The following CRACDL variants were observed in gnomAD, a reference collection of about 807,000 sequenced individuals.
CRACDL encodes CRACD like, also known as CRACD-like protein.
A neutral mutation model predicts 70.6 loss-of-function variants in CRACDL; 26 were observed. The observed-to-expected ratio is 0.37, with a 90% CI of 0.27 to 0.51. The LOEUF (loss-of-function observed/expected upper bound fraction) is 0.51, where lower values mean the gene tolerates loss of function less well. CRACDL is among the 20% of genes least tolerant of loss of function. The pLI is 0.94. For missense variants in CRACDL, 1,283 were observed against 1,376.9 expected (o/e 0.93, Z 1.08); for synonymous variants, 618 against 615.2 (o/e 1.00, Z -0.07).
At chr2:98,935,502 T>C (rs983769264) in intron 1 of CRACDL, among the ~76,000 whole-genome samples, 1 of 152,118 alleles carries the variant, frequency 6.6e-6, no homozygotes, top group Non-Finnish European at 1.5e-5. Flanking sequence ...AAATAAACCA[T>C]CACCTAAAGC....
At chr2:98,809,477 T>C (rs936380179) in intron 7 of CRACDL, among the ~76,000 whole-genome samples, 10 of 152,150 alleles carry the variant, frequency 6.6e-5, no homozygotes, top group African/African-American at 2.4e-4. Flanking sequence ...GTCTCCCAAC[T>C]GCAGGGCACA....
Position 98,861,484 on chromosome 2 carries a change from T to C in CRACDL, c.-10-14674A>G, listed in dbSNP as rs543032405. On this transcript the variant is annotated intron_variant, in intron 1 of 9. Transcript: ENST00000397899. The stretch of plus-strand genomic sequence containing the variant: ...AGCCTTCATTCATTGCTGGTGGAAA[T>C]GTAAAATGTAGCAGGTACTTTGGAA... 2.6e-5 allele frequency among the ~76,000 whole-genome samples: 4 copies of C among 152,238 alleles called. No individual in the cohort carries two copies. In the East Asian group the frequency reaches 5.8e-4, roughly 22 times the overall value.
chr2:98,910,015 G>A (rs375459837), intron 1 of CRACDL, among the ~76,000 whole-genome samples: 24 of 152,210 alleles, frequency 1.6e-4, no homozygotes, highest in African/African-American at 4.8e-4. Context: ...AGTCAGTAAC[G>A]CCATCTCTCC....
intron 1 of CRACDL, among the ~76,000 whole-genome samples, chr2:98,891,376 C>CAAAAAAAAAA (rs548988640): frequency 0.014 from 526 of 37,890 alleles, 64 homozygotes; most frequent in Middle Eastern, 0.037. Context: ...GACTCCGTCT[C>CAAAAAAAAAA]AAAAAAAAAA....
At chr2:98,889,455 G>C (rs1440762114) in intron 1 of CRACDL, among the ~76,000 whole-genome samples, 2 of 152,042 alleles carry the variant, frequency 1.3e-5, no homozygotes, top group East Asian at 3.9e-4. Flanking sequence ...AATGACAAAA[G>C]TACCAATGAA....
intron 3 of CRACDL, among the ~76,000 whole-genome samples, chr2:98,836,009 G>A (rs1158950185): frequency 1.3e-5 from 2 of 152,138 alleles, no homozygotes; most frequent in African/African-American, 2.4e-5. Flanking sequence ...ATGATGTACC[G>A]GGAATTGGGA....
At chr2:98,824,376 C>A (rs1284978748) in intron 6 of CRACDL, among the ~76,000 whole-genome samples, 1 of 151,694 alleles carries the variant, frequency 6.6e-6, no homozygotes, top group Non-Finnish European at 1.5e-5. Flanking sequence ...AAGATTCCCC[C>A]CTTCTCTGGC....
intron 1 of CRACDL, among the ~76,000 whole-genome samples, chr2:98,857,933 A>G: frequency 6.6e-6 from 1 of 152,208 alleles, no homozygotes; most frequent in East Asian, 1.9e-4. Flanking sequence ...AAACAAAACA[A>G]AATATATTTA....
At chr2:98,930,936 T>C (rs887738476) in intron 1 of CRACDL, among the ~76,000 whole-genome samples, 1 of 151,456 alleles carries the variant, frequency 6.6e-6, no homozygotes, top group Non-Finnish European at 1.5e-5. Context: ...CATGTAATGC[T>C]CATGTATGTG....
At chr2:98,891,756 C>T (rs1707987087) in intron 1 of CRACDL, among the ~76,000 whole-genome samples, 1 of 152,002 alleles carries the variant, frequency 6.6e-6, no homozygotes, top group Non-Finnish European at 1.5e-5. Flanking sequence ...TTATTTCAAA[C>T]CTTTTCCACA....
chr2:98,890,162 A>G (rs1276574215), intron 1 of CRACDL, among the ~76,000 whole-genome samples: 1 of 152,150 alleles, frequency 6.6e-6, no homozygotes, highest in African/African-American at 2.4e-5. Flanking sequence ...AGATTAGAGA[A>G]GAAATTAATA....
chr2:98,855,123 T>C (rs1354657053), intron 1 of CRACDL, among the ~76,000 whole-genome samples: 3 of 152,030 alleles, frequency 2.0e-5, no homozygotes, highest in Admixed American at 6.5e-5. Context: ...CTACTAAAAA[T>C]ACAAAAATTA....
chr2:98,915,500 C>A (rs555681895), intron 1 of CRACDL, among the ~76,000 whole-genome samples: 1 of 152,250 alleles, frequency 6.6e-6, no homozygotes, highest in South Asian at 2.1e-4. Context: ...GAGGAGCTGC[C>A]TGGGTCTGTG....
chr2:98,877,729 A>G (rs1220389724), intron 1 of CRACDL, among the ~76,000 whole-genome samples: 1 of 152,104 alleles, frequency 6.6e-6, no homozygotes, highest in African/African-American at 2.4e-5. Flanking sequence ...AGCCTGGGAA[A>G]CACAGTGGGA....
intron 7 of CRACDL, among the ~76,000 whole-genome samples, chr2:98,800,811 G>A (rs1434018572): frequency 6.6e-6 from 1 of 152,210 alleles, no homozygotes; most frequent in Non-Finnish European, 1.5e-5. Context: ...TCTAAATGCT[G>A]AGCTTGGCAA....
intron 1 of CRACDL, among the ~76,000 whole-genome samples, chr2:98,923,808 G>A (rs1708856464): frequency 6.6e-6 from 1 of 152,170 alleles, no homozygotes. Flanking sequence ...TTCTCAAATT[G>A]TTCAATATTG....
At chr2:98,849,866 G>A (rs544476931) in intron 1 of CRACDL, among the ~76,000 whole-genome samples, 4 of 152,152 alleles carry the variant, frequency 2.6e-5, no homozygotes, top group Non-Finnish European at 4.4e-5. Flanking sequence ...AGGCAGTCCC[G>A]GGGTGGCATC....
At chr2:98,859,304 C>T (rs1706841384) in intron 1 of CRACDL, among the ~76,000 whole-genome samples, 1 of 152,032 alleles carries the variant, frequency 6.6e-6, no homozygotes, top group Admixed American at 6.6e-5. Context: ...GTTGGTTTAA[C>T]ACATGAAAAC....
chr2:98,837,018 C>G (rs1055671331), intron 3 of CRACDL, among the ~76,000 whole-genome samples: 14 of 150,716 alleles, frequency 9.3e-5, no homozygotes, highest in African/African-American at 2.9e-4. Context: ...CCGGGAGGCG[C>G]AGCTTGCAGT....
Sources: allele counts gnomAD v4.1 joint callset (sites outside exome capture counted in the v4.1 genomes callset), GRCh38; gene constraint gnomAD v4.1.1; transcripts MANE v1.5; gene names NCBI Gene and HGNC (gene_info 2026-07-23, HGNC 2026-07-21).